Variants in DDX60 observed in about 807,000 individuals in gnomAD.
DDX60 encodes the protein probable ATP-dependent RNA helicase DDX60.
A neutral mutation model predicts 212.8 loss-of-function variants in DDX60; 165 were observed. That is an observed-to-expected ratio of 0.78 (90% CI 0.68 to 0.88). The LOEUF (loss-of-function observed/expected upper bound fraction) is 0.88, where lower values mean the gene tolerates loss of function less well. Among genes scored for constraint, DDX60 ranks in the 40% least tolerant of loss-of-function variants. The pLI is 0.00. For missense variants in DDX60, 1,905 were observed against 2,003.9 expected (o/e 0.95, Z 0.94); for synonymous variants, 703 against 685.3 (o/e 1.03, Z -0.40).
chr4:168,238,435 AAGGG>A (rs1733715658), intron 30 of DDX60, among the ~76,000 whole-genome samples: 4 of 31,614 alleles, frequency 1.3e-4, no homozygotes, highest in Non-Finnish European at 2.6e-4. Context: ...AAGGGAAGGG[AAGGG>A]AAGGGAAGGG....
intron 34 of DDX60, among the ~76,000 whole-genome samples, chr4:168,224,688 G>T (rs1733187325): frequency 6.6e-6 from 1 of 151,998 alleles, no homozygotes; most frequent in Admixed American, 6.6e-5. Flanking sequence ...GAGAATTATT[G>T]TTATTACCTT....
intron 25 of DDX60, among the ~76,000 whole-genome samples, chr4:168,260,380 T>G (rs1403543445): frequency 6.6e-6 from 1 of 152,164 alleles, no homozygotes; most frequent in African/African-American, 2.4e-5. Context: ...ACAAAACGTA[T>G]GTATTCAAAT....
At chr4:168,245,334 G>C (rs534938329) in intron 30 of DDX60, among the ~76,000 whole-genome samples, 16 of 152,076 alleles carry the variant, frequency 1.1e-4, no homozygotes, top group Non-Finnish European at 1.9e-4. Flanking sequence ...ATGCCAGAAG[G>C]CAACGGAAAC....
chr4:168,238,415 GAGGGGAGGGA>G lies in DDX60; in HGVS notation c.4165-630_4165-621del, dbSNP rs1309570246. ...AAGGGAAAGGGAGGGGAGGGGAGGA[GAGGGGAGGGA>G]AGGGAAGGGAAGGGAAGGGAAGGGA... On this transcript the variant is annotated intron_variant, in intron 30 of 37. Coordinates refer to ENST00000393743, the MANE Select transcript of DDX60 (RefSeq NM_017631.6). Among the ~76,000 whole-genome samples, 496 of 102,524 alleles carry G rather than the reference GAGGGGAGGGA, an allele frequency of 4.8e-3. 9 individuals carry two copies. The highest frequency in any genetic ancestry group is 0.019 in the African/African-American group (468 of 24,940). The allele number at this position is 102,524 out of a possible 152,430, so 67.3% of individuals were successfully genotyped here. A position where few individuals can be genotyped will look rare whatever the true frequency, so the allele number is the denominator to read the frequency against.
chr4:168,269,052 T>C (rs1734974509), intron 19 of DDX60, 83 bp from the exon 20 acceptor site: 2 of 695,668 alleles, frequency 2.9e-6, no homozygotes, highest in Admixed American at 5.3e-5. Flanking sequence ...AATCTTGAAA[T>C]TGTCATGCAT....
chr4:168,224,315 T>C lies in DDX60; in HGVS notation c.4752A>G (p.Val1584=). Residue 1584 remains valine (V), a synonymous_variant, in exon 35 of 38, where the codon GTA becomes GTG. Transcript: ENST00000393743. ...ACAGACAAACAAATGGTGAAATTGC[T>C]ACTCTTCCTTCCTTGCAGCTCATCA... ...SHLMSCKEGR[V]AISPFVCLSG... is the part of the protein sequence containing the mutation. 1 of 1,612,384 alleles carries C rather than the reference T, an allele frequency of 6.2e-7. No homozygotes were observed. The highest frequency in any genetic ancestry group is 8.5e-7 in the Non-Finnish European group (1 of 1,178,872).
chr4:168,284,780 A>C (rs1330184206), intron 12 of DDX60, 40 bp downstream of exon 12: 2 of 1,009,588 alleles, frequency 2.0e-6, no homozygotes, highest in African/African-American at 3.2e-5. Flanking sequence ...CAGAGAGTAA[A>C]GTAGATTTAA....
rs1005760088 is a variant in DDX60 at position 168,216,928 on chromosome 4, T to C, written c.*5A>G. On this transcript the variant is annotated 3_prime_UTR_variant, in exon 38 of 38. Transcript: ENST00000393743. ...ATTTTTAAGTGGTTTGCATAGACTT[T>C]GTTTTTAGACTTTGTTTAACTTTTC... 4 of 1,582,084 alleles carry C rather than the reference T, an allele frequency of 2.5e-6. No individual in the cohort carries two copies. The African/African-American group carries it at 4.1e-5, about 16-fold the overall frequency.
At chr4:168,311,157 A>G in intron 2 of DDX60, 90 bp from the exon 3 acceptor site, 1 of 1,473,518 alleles carries the variant, frequency 6.8e-7, no homozygotes. Flanking sequence ...TATTCAAGAA[A>G]GTAAAACAGT....
Position 168,288,228 on chromosome 4 carries a change from C to A in DDX60, c.1129G>T (p.Asp377Tyr). Residue 377 changes from aspartate to tyrosine, a missense_variant, in exon 9 of 38, where the codon GAT becomes TAT. Transcript: ENST00000393743. Reference sequence around the variant, plus strand: ...GCAATATTCTTCAACAAAAGCTCATCATTTAAGTCAGAAAGGTGAATTAAA... The same window carrying A: ...GCAATATTCTTCAACAAAAGCTCATAATTTAAGTCAGAAAGGTGAATTAAA... ...LNLIHLSDLN[D>Y]ELLLKNIAFY... 1.3e-6 allele frequency: 2 copies of A among 1,519,144 alleles called. No homozygotes were observed. Among genetic ancestry groups the A allele is most frequent in the Non-Finnish European group, 1.8e-6 (2 of 1,111,392 alleles). The allele number at this position is 1,519,144 out of a possible 1,614,324, so 94.1% of individuals were successfully genotyped here. A position where few individuals can be genotyped will look rare whatever the true frequency, so the allele number is the denominator to read the frequency against.
chr4:168,237,303 C>A lies in DDX60; in HGVS notation c.4394G>T (p.Cys1465Phe). Residue 1465 changes from cysteine to phenylalanine, a missense_variant, in exon 32 of 38, where the codon TGT (cysteine) becomes TTT (phenylalanine). Transcript: ENST00000393743. ...FLVNGLFHDL[C>F]QPTRKGSKHF... ...AAGCTTACCTTTCCTGGTTGGCTGA[C>A]AGAGATCATGGAAGAGTCCATTTAC... is the stretch of plus-strand genomic sequence containing the variant. The A allele has an allele frequency of 6.4e-7, 1 of 1,557,332 alleles. No individual in the cohort carries two copies. The highest frequency in any genetic ancestry group is 8.7e-7 in the Non-Finnish European group (1 of 1,152,404).
intron 26 of DDX60, among the ~76,000 whole-genome samples, chr4:168,254,534 G>A (rs1734332964): frequency 6.6e-6 from 1 of 152,060 alleles, no homozygotes. Context: ...ATATATTTAT[G>A]GAATAATATT....
intron 6 of DDX60, among the ~76,000 whole-genome samples, chr4:168,299,409 C>A (rs72693167): frequency 0.031 from 4,580 of 149,858 alleles, 82 homozygotes; most frequent in Non-Finnish European, 0.045. Flanking sequence ...AGTTCCCAGC[C>A]CCCCCAAAAA....
chr4:168,268,745 T>C, intron 20 of DDX60, 109 bp downstream of exon 20: 1 of 605,528 alleles, frequency 1.7e-6, no homozygotes, highest in Non-Finnish European at 2.7e-6. Context: ...AAATAAACTA[T>C]TAAATTCACT....
chr4:168,217,596 G>A lies in DDX60; in HGVS notation c.5040-564C>T, dbSNP rs75194134. Among the ~76,000 whole-genome samples the A allele has an allele frequency of 5.1e-3, 777 of 152,224 alleles. 7 individuals are homozygous for A. Among genetic ancestry groups the A allele is most frequent in the African/African-American group, 0.018 (744 of 41,550 alleles). On this transcript the variant is annotated intron_variant, in intron 37 of 37. Transcript: ENST00000393743. ...GGGGAATGAATTATGGCTGCAGTGC[G>A]AATTAAAGTTGCGAATCAGCTGACC...
At chr4:168,294,842 A>G (rs1191640272) in intron 6 of DDX60, among the ~76,000 whole-genome samples, 1 of 152,156 alleles carries the variant, frequency 6.6e-6, no homozygotes, top group African/African-American at 2.4e-5. Context: ...TAAAGTATAG[A>G]AACAACTCAA....
intron 13 of DDX60, among the ~76,000 whole-genome samples, 189 bp downstream of exon 13, chr4:168,283,257 C>A (rs999007417): frequency 1.3e-5 from 2 of 152,070 alleles, no homozygotes; most frequent in Non-Finnish European, 2.9e-5. Context: ...AATATCATTA[C>A]AACTTTTTTA....
intron 36 of DDX60, among the ~76,000 whole-genome samples, chr4:168,221,209 C>T (rs1169060450): frequency 1.3e-5 from 2 of 151,988 alleles, no homozygotes; most frequent in Non-Finnish European, 2.9e-5. Context: ...ACAGAATGCC[C>T]CTCCCCAAAT....
chr4:168,300,690 C>G (rs750923415), intron 6 of DDX60, among the ~76,000 whole-genome samples: 3 of 151,488 alleles, frequency 2.0e-5, no homozygotes, highest in Non-Finnish European at 4.4e-5. Context: ...GTGGGAGGGA[C>G]CAAGATGAAA....
Sources: allele counts gnomAD v4.1 joint callset (sites outside exome capture counted in the v4.1 genomes callset), GRCh38; gene constraint gnomAD v4.1.1; transcripts MANE v1.5; gene names NCBI Gene and HGNC (gene_info 2026-07-23, HGNC 2026-07-21).